Variants in RSPO2 observed in about 807,000 individuals in gnomAD.
RSPO2 encodes R-spondin 2, also known as R-spondin-2.
A neutral mutation model predicts 30.9 loss-of-function variants in RSPO2; 14 were observed. The ratio of observed to expected loss-of-function variants is 0.45; its 90% confidence interval spans 0.30 to 0.71. The LOEUF (loss-of-function observed/expected upper bound fraction) is 0.71. Among genes scored for constraint, RSPO2 ranks in the 30% least tolerant of loss-of-function variants. The pLI is 0.08. For synonymous variants in RSPO2, 107 were observed against 96.4 expected (o/e 1.11, Z -0.64); for missense variants, 264 against 301.9 (o/e 0.87, Z 0.93).
chr8:108,012,588 A>T (rs1810746066), intron 2 of RSPO2, among the ~76,000 whole-genome samples: 1 of 152,250 alleles, frequency 6.6e-6, no homozygotes. Context: ...TCATAACTGA[A>T]GTAGAAACTT....
intron 2 of RSPO2, among the ~76,000 whole-genome samples, chr8:108,025,320 T>C (rs575528491): frequency 7.9e-5 from 12 of 152,254 alleles, no homozygotes; most frequent in South Asian, 6.2e-4. Context: ...CTAAAACACA[T>C]TGTGCCAGAG....
Position 107,958,113 on chromosome 8 carries a change from T to G in RSPO2, c.583A>C (p.Arg195=), listed in dbSNP as rs767091624. The change falls in exon 5 of 6, where the codon AGA becomes CGA. Residue 195 remains arginine (R), a synonymous_variant. Coordinates refer to ENST00000276659, the MANE Select transcript of RSPO2 (RefSeq NM_178565.5). ...ILCPTIAESR[R]CKMTMRHCPG... ...CAATGCCTCATTGTCATCTTGCATC[T>G]CCTGGATTCAGCAATGGTTGGACAC... 4 of 1,613,728 alleles carry G rather than the reference T, an allele frequency of 2.5e-6. No individual in the cohort carries two copies. Among genetic ancestry groups the G allele is most frequent in the South Asian group, 2.2e-5 (2 of 91,052 alleles).
chr8:108,013,260 AT>A (rs11374867), intron 2 of RSPO2, among the ~76,000 whole-genome samples: 1 of 151,994 alleles, frequency 6.6e-6, no homozygotes, highest in Non-Finnish European at 1.5e-5. Flanking sequence ...TTCTTTTTCT[AT>A]TTTTGGTTGG....
Position 107,935,429 on chromosome 8 carries a change from C to T in RSPO2, c.616+22651G>A, listed in dbSNP as rs373834375. Among the ~76,000 whole-genome samples, 8 of 152,064 alleles carry T rather than the reference C, an allele frequency of 5.3e-5. No homozygotes were observed. In the South Asian group the frequency reaches 1.5e-3, roughly 28 times the overall value. ...GGTCCTGTAAAAAATTCTTATCCTC[C>T]TGGGAGGATTGTCAGGTATTGGGGA... is the stretch of plus-strand genomic sequence containing the variant. On this transcript the variant is annotated intron_variant, in intron 5 of 5. Coordinates refer to ENST00000276659, the MANE Select transcript of RSPO2 (RefSeq NM_178565.5).
chr8:107,963,264 G>A (rs1813690596), intron 3 of RSPO2, among the ~76,000 whole-genome samples: 1 of 151,538 alleles, frequency 6.6e-6, no homozygotes, highest in African/African-American at 2.4e-5. Context: ...GCTGGGCATG[G>A]TAGCTCACAT....
intron 2 of RSPO2, among the ~76,000 whole-genome samples, chr8:108,040,035 TAA>T (rs1811705644): frequency 6.6e-6 from 1 of 152,110 alleles, no homozygotes; most frequent in African/African-American, 2.4e-5. Context: ...TTGTAAGAAA[TAA>T]GTTTCTGCTG....
chr8:107,920,342 T>C (rs1463858172), intron 5 of RSPO2, among the ~76,000 whole-genome samples: 2 of 152,170 alleles, frequency 1.3e-5, no homozygotes, highest in African/African-American at 2.4e-5. Flanking sequence ...TTGAAGCTAC[T>C]TGTTAGAGCT....
intron 5 of RSPO2, among the ~76,000 whole-genome samples, chr8:107,939,053 T>C (rs985060859): frequency 8.5e-5 from 13 of 152,164 alleles, no homozygotes; most frequent in African/African-American, 2.9e-4. Context: ...GAGCCTGAAG[T>C]ATCTACAAAA....
chr8:107,970,131 A>G (rs1365294894), intron 3 of RSPO2, among the ~76,000 whole-genome samples: 1 of 152,202 alleles, frequency 6.6e-6, no homozygotes, highest in Non-Finnish European at 1.5e-5. Flanking sequence ...GGCTTTGCAG[A>G]CCATACGGTA....
intron 2 of RSPO2, among the ~76,000 whole-genome samples, chr8:108,015,126 A>G (rs1282094797): frequency 1.3e-5 from 2 of 152,220 alleles, no homozygotes; most frequent in African/African-American, 2.4e-5. Context: ...TAGAAGCAGC[A>G]TAAGTATATC....
intron 2 of RSPO2, among the ~76,000 whole-genome samples, chr8:108,039,530 C>T (rs1214878875): frequency 6.6e-6 from 1 of 151,990 alleles, no homozygotes; most frequent in African/African-American, 2.4e-5. Context: ...TAAAAGAATG[C>T]TTAAAGTGTA....
At chr8:108,041,283 T>C (rs1344443883) in intron 2 of RSPO2, among the ~76,000 whole-genome samples, 1 of 149,646 alleles carries the variant, frequency 6.7e-6, no homozygotes, top group Non-Finnish European at 1.5e-5. Flanking sequence ...AAAAGAATGG[T>C]AAGAGCAAAT....
At chr8:107,992,457 T>C (rs1364217868) in intron 2 of RSPO2, among the ~76,000 whole-genome samples, 3 of 152,092 alleles carry the variant, frequency 2.0e-5, no homozygotes, top group Non-Finnish European at 4.4e-5. Context: ...TAATGGGTAC[T>C]AGCCTTAATA....
At chr8:108,002,058 A>G (rs1440363082) in intron 2 of RSPO2, among the ~76,000 whole-genome samples, 23 of 152,218 alleles carry the variant, frequency 1.5e-4, no homozygotes, top group Non-Finnish European at 1.5e-5. Flanking sequence ...TATAATAAAA[A>G]AAAGTTAGCA....
chr8:107,962,720 C>A (rs1204287315), intron 3 of RSPO2, among the ~76,000 whole-genome samples: 2 of 151,882 alleles, frequency 1.3e-5, no homozygotes, highest in African/African-American at 4.8e-5. Flanking sequence ...GCCCTTCCTG[C>A]CGTAGTTATT....
intron 3 of RSPO2, among the ~76,000 whole-genome samples, chr8:107,969,311 A>G (rs1216516838): frequency 6.6e-6 from 1 of 152,126 alleles, no homozygotes; most frequent in Non-Finnish European, 1.5e-5. Flanking sequence ...AGTATCTTTT[A>G]TTTTAACTGC....
chr8:108,078,025 G>A (rs544164123), intron 2 of RSPO2, among the ~76,000 whole-genome samples: 1 of 152,270 alleles, frequency 6.6e-6, no homozygotes, highest in Non-Finnish European at 1.5e-5. Context: ...AAGTACCCTG[G>A]ATATTCCACA....
At chr8:107,954,588 T>TTTTA (rs540847094) in intron 5 of RSPO2, among the ~76,000 whole-genome samples, 14 of 37,216 alleles carry the variant, frequency 3.8e-4, no homozygotes, top group Non-Finnish European at 9.9e-4. Context: ...ATTGTCCATC[T>TTTTA]TTTATTTATT....
At chr8:108,015,085 T>C (rs1386534546) in intron 2 of RSPO2, among the ~76,000 whole-genome samples, 1 of 152,208 alleles carries the variant, frequency 6.6e-6, no homozygotes, top group African/African-American at 2.4e-5. Context: ...ATATTATACC[T>C]GTGATTCATA....
Sources: allele counts gnomAD v4.1 joint callset (sites outside exome capture counted in the v4.1 genomes callset), GRCh38; gene constraint gnomAD v4.1.1; transcripts MANE v1.5; gene names NCBI Gene and HGNC (gene_info 2026-07-23, HGNC 2026-07-21).